Variants in CSKMT observed in about 807,000 individuals in gnomAD.
CSKMT encodes citrate synthase-lysine N-methyltransferase CSKMT, mitochondrial.
CSKMT carries 6 observed loss-of-function variants against 4.6 expected under a neutral mutation model. The ratio of observed to expected loss-of-function variants is 1.31; its 90% CI spans 0.72 to 2.59. CSKMT has a LOEUF of 2.59. Ranked by LOEUF, CSKMT falls within the 30% of genes most tolerant of loss-of-function variation. The pLI, the probability that CSKMT is intolerant of heterozygous loss-of-function variation, is 0.00. For missense variants in CSKMT, 328 were observed against 298.0 expected (o/e 1.10, Z -0.74); for synonymous variants, 142 against 128.9 (o/e 1.10, Z -0.69).
At position 62,666,710 on chromosome 11, in the gene CSKMT, C is replaced by G; in HGVS notation, c.382C>G (p.Pro128Ala). ...CCTGGAGGGTGGCCCAGGCCAAACACCTCTATGCCCTGGACACCCTGCCTC... is the reference window on the plus strand; with the variant it reads ...CCTGGAGGGTGGCCCAGGCCAAACAGCTCTATGCCCTGGACACCCTGCCTC... ...SLLEGGPGQT[P>A]LCPGHPASSL... is the part of the protein sequence containing the mutation. The change falls in exon 3 of 3, where the codon CCT (proline) becomes GCT (alanine). Residue 128 changes from proline (P) to alanine (A), a missense_variant. Transcript: ENST00000532971. The G allele has an allele frequency of 6.2e-7, 1 of 1,614,070 alleles. No individual in the cohort carries two copies. The highest frequency in any genetic ancestry group is 8.5e-7 in the Non-Finnish European group (1 of 1,180,016).
At chr11:62,665,550 T>C in intron 1 of CSKMT, 97 bp from the exon 2 acceptor site, 1 of 1,568,300 alleles carries the variant, frequency 6.4e-7, no homozygotes. Flanking sequence ...GCTGGTTCTA[T>C]CCTCAAACGC....
Position 62,667,003 on chromosome 11 carries a change from G to A in CSKMT, c.675G>A (p.Pro225=), listed in dbSNP as rs373688848. 3.3e-5 allele frequency: 54 copies of A among 1,612,196 alleles called. No individual in the cohort carries two copies. The highest frequency in any genetic ancestry group is 2.0e-4 in the African/African-American group (15 of 74,824). The part of the protein sequence containing the change: ...GWTVTVQELG[P]FRGITYFAYL... ...CTGTGACTGTGCAGGAGCTAGGCCCGTTCAGGGGCATCACCTACTTTGCTT... is the reference window on the plus strand; with the variant it reads ...CTGTGACTGTGCAGGAGCTAGGCCCATTCAGGGGCATCACCTACTTTGCTT... Residue 225 remains proline, a synonymous_variant, in exon 3 of 3, where the codon CCG becomes CCA. Coordinates refer to ENST00000532971, the MANE Select transcript of CSKMT (RefSeq NM_001043229.2).
intron 1 of CSKMT, 91 bp from the exon 2 acceptor site, chr11:62,665,556 A>G (rs781360271): frequency 4.3e-5 from 68 of 1,564,654 alleles, no homozygotes; most frequent in Non-Finnish European, 5.2e-5. Flanking sequence ...TCTATCCTCA[A>G]ACGCCGGGAC....
In CSKMT at chr11:62,668,005, G is replaced by A. The variant is rs1437715060; in HGVS notation, c.*954G>A. ...ACTGCTTGAACCCTGGGAGGTCAAAGCTGCAATGGGCCATGATAAGCTGCT... is the reference window on the plus strand; with the variant it reads ...ACTGCTTGAACCCTGGGAGGTCAAAACTGCAATGGGCCATGATAAGCTGCT... On this transcript the variant is annotated 3_prime_UTR_variant, in exon 3 of 3. Coordinates refer to ENST00000532971, the MANE Select transcript of CSKMT (RefSeq NM_001043229.2). The A allele has an allele frequency of 7.9e-6, 3 of 378,370 alleles. No homozygotes were observed. The highest frequency in any genetic ancestry group is 4.1e-5 in the East Asian group (1 of 24,616). 23.4% of individuals were successfully genotyped at this position (378,370 alleles called of 1,614,324 possible). A position where few individuals can be genotyped will look rare whatever the true frequency, so the allele number is the denominator to read the frequency against.
In CSKMT at chr11:62,667,705, G is replaced by C; in HGVS notation, c.*654G>C. 6.2e-7 allele frequency: 1 copy of C among 1,613,934 alleles called. No individual in the cohort carries two copies. The stretch of plus-strand genomic sequence containing the variant: ...CCCCCAGCTGAGTCCAGCGTTAAAT[G>C]TTCTTAAAGGACTTCTAGGGTCCTG... On this transcript the variant is annotated 3_prime_UTR_variant, in exon 3 of 3. Coordinates refer to ENST00000532971, the MANE Select transcript of CSKMT (RefSeq NM_001043229.2).
chr11:62,666,171 G>C, intron 2 of CSKMT: 5 of 701,036 alleles, frequency 7.1e-6, no homozygotes, highest in Non-Finnish European at 9.4e-6. Context: ...AACATAGCGA[G>C]ACCCTGTCTA....
At position 62,667,470 on chromosome 11, in the gene CSKMT, A is replaced by C. The variant is rs1244380803; in HGVS notation, c.*419A>C. On this transcript the variant is annotated 3_prime_UTR_variant, in exon 3 of 3. Coordinates refer to ENST00000532971, the MANE Select transcript of CSKMT (RefSeq NM_001043229.2). ...AGGAGATTGTAAGAGGATGGGTATAAGGAGCTTCATAAACCTGGATGAGAT... is the reference window on the plus strand; with the variant it reads ...AGGAGATTGTAAGAGGATGGGTATACGGAGCTTCATAAACCTGGATGAGAT... 3.2e-6 allele frequency: 5 copies of C among 1,566,658 alleles called. No homozygotes were observed. Among genetic ancestry groups the C allele is most frequent in the Admixed American group, 1.7e-5 (1 of 59,870 alleles).
chr11:62,665,457 C>A, intron 1 of CSKMT, 125 bp downstream of exon 1: 2 of 1,568,474 alleles, frequency 1.3e-6, no homozygotes, highest in African/African-American at 1.3e-5. Context: ...CTTGTGGTGC[C>A]GCTCCCCGTA....
At position 62,665,833 on chromosome 11, in the gene CSKMT, G is replaced by A; in HGVS notation, c.-47G>A. On this transcript the variant is annotated 5_prime_UTR_variant, in exon 2 of 3. Coordinates refer to ENST00000532971, the MANE Select transcript of CSKMT (RefSeq NM_001043229.2). ...CAGGCCTCTCCGGCTGGAGTAGGGT[G>A]GACGCTTCACATAAGCTTCTCTGGT... 1.2e-6 allele frequency: 2 copies of A among 1,602,782 alleles called. No individual in the cohort carries two copies. The highest frequency in any genetic ancestry group is 1.7e-6 in the Non-Finnish European group (2 of 1,171,942).
At position 62,665,917 on chromosome 11, in the gene CSKMT, T is replaced by A. The variant is rs755588623; in HGVS notation, c.38T>A (p.Leu13Gln). Residue 13 changes from leucine (L) to glutamine (Q), a missense_variant, in exon 2 of 3, where the codon CTG (leucine) becomes CAG (glutamine). Leu to Gln is a moderately radical substitution (Grantham distance 113, BLOSUM62 -2). Transcript: ENST00000532971. ...CGTCGAATGCTCCACTTGCCGAGCC[T>A]GATGATGGGGACGTGCCGCCCCTTT... Reference protein sequence around the residue: ...ALRRMLHLPSLMMGTCRPFAG... With the variant: ...ALRRMLHLPSQMMGTCRPFAG... 6 of 1,612,878 alleles carry A rather than the reference T, an allele frequency of 3.7e-6. No individual in the cohort carries two copies. The highest frequency in any genetic ancestry group is 1.6e-4 in the Middle Eastern group (1 of 6,082).
chr11:62,666,118 C>T, intron 2 of CSKMT, 172 bp downstream of exon 2: 1 of 826,732 alleles, frequency 1.2e-6, no homozygotes, highest in South Asian at 1.7e-5. Context: ...CAGGCCGAGG[C>T]GGGCAGATCG....
At chr11:62,665,522 G>A (rs1043276936) in intron 1 of CSKMT, 125 bp from the exon 2 acceptor site, 61 of 1,570,190 alleles carry the variant, frequency 3.9e-5, no homozygotes, top group Non-Finnish European at 5.2e-5. Flanking sequence ...TGTCTTCGGT[G>A]CTGGCGGCTT....
chr11:62,665,384 G>C, intron 1 of CSKMT, 52 bp downstream of exon 1: 3 of 1,134,552 alleles, frequency 2.6e-6, no homozygotes, highest in Non-Finnish European at 3.8e-6. Flanking sequence ...GGAGTGGTGG[G>C]GGTGCCGGGT....
chr11:62,666,626 C>T lies in CSKMT; in HGVS notation c.298C>T (p.Pro100Ser). The change falls in exon 3 of 3, where the codon CCA becomes TCA. Residue 100 changes from proline to serine, a missense_variant. Transcript: ENST00000532971. ...CTGLYTKSPHPVDVLGVDFSP... is the reference protein window; with the variant it reads ...CTGLYTKSPHSVDVLGVDFSP... ...AGGCCTCTACACCAAATCTCCACACCCAGTGGATGTGCTGGGGGTGGACTT... is the reference window on the plus strand; with the variant it reads ...AGGCCTCTACACCAAATCTCCACACTCAGTGGATGTGCTGGGGGTGGACTT... 1 of 1,614,186 alleles carries T rather than the reference C, an allele frequency of 6.2e-7. No homozygotes were observed. Among genetic ancestry groups the T allele is most frequent in the Non-Finnish European group, 8.5e-7 (1 of 1,180,030 alleles).
rs765370143 is a variant in CSKMT, at chr11:62,667,786, T to C, written c.*735T>C. 8.0e-6 allele frequency: 11 copies of C among 1,375,776 alleles called. No homozygotes were observed. Among genetic ancestry groups the C allele is most frequent in the Non-Finnish European group, 1.1e-5 (11 of 978,674 alleles). The allele number at this position is 1,375,776 out of a possible 1,614,324, so 85.2% of individuals were successfully genotyped here. On this transcript the variant is annotated 3_prime_UTR_variant, in exon 3 of 3. Transcript: ENST00000532971. ...AGAGAGGGGACAAAAATATTACTGA[T>C]ATATTATCAAATTACAAAACTAGGC...
chr11:62,666,984 C>G lies in CSKMT; in HGVS notation c.656C>G (p.Thr219Ser). ...LEQGSYGWTV[T>S]VQELGPFRGI... ...CAAGGGTCCTATGGCTGGACTGTGA[C>G]TGTGCAGGAGCTAGGCCCGTTCAGG... Residue 219 changes from threonine to serine, a missense_variant, in exon 3 of 3, where the codon ACT (threonine) becomes AGT (serine). Transcript: ENST00000532971. 6.2e-7 allele frequency: 1 copy of G among 1,614,090 alleles called. No individual in the cohort carries two copies.
In CSKMT at chr11:62,666,240, G is replaced by A. The variant is rs576735028; in HGVS notation, c.68-156G>A. 6 of 818,354 alleles carry A rather than the reference G, an allele frequency of 7.3e-6. No individual in the cohort carries two copies. In the Admixed American group the frequency reaches 1.1e-4, roughly 15 times the overall value. The allele number at this position is 818,354 out of a possible 1,614,324, so 50.7% of individuals were successfully genotyped here. A position where few individuals can be genotyped will look rare whatever the true frequency, so the allele number is the denominator to read the frequency against. Reference sequence around the variant, plus strand: ...AGTCCTAGCTACTCAGGAGGCTGAGGTGGAGGCTTCAGTGAGCCATCATTG... The same window carrying A: ...AGTCCTAGCTACTCAGGAGGCTGAGATGGAGGCTTCAGTGAGCCATCATTG... On this transcript the variant is annotated intron_variant, in intron 2 of 2. Transcript: ENST00000532971.
chr11:62,665,534 C>A, intron 1 of CSKMT, 113 bp from the exon 2 acceptor site: 2 of 1,569,748 alleles, frequency 1.3e-6, no homozygotes, highest in Non-Finnish European at 1.7e-6. Flanking sequence ...TGGCGGCTTC[C>A]CATCCGCTGG....
chr11:62,667,826 C>T lies in CSKMT; in HGVS notation c.*775C>T, dbSNP rs1944860434. ...CAAAACTAGGCCAGGCATGCTGGCT[C>T]ATACCTATAATCACAGCACTTTGGG... On this transcript the variant is annotated 3_prime_UTR_variant, in exon 3 of 3. Transcript: ENST00000532971. 9.7e-7 allele frequency: 1 copy of T among 1,031,708 alleles called. No individual in the cohort carries two copies. Among genetic ancestry groups the T allele is most frequent in the Admixed American group, 2.0e-5 (1 of 49,392 alleles). 63.9% of individuals were successfully genotyped at this position (1,031,708 alleles called of 1,614,324 possible).
Sources: gnomAD v4.1 joint callset for allele counts on GRCh38, gnomAD v4.1.1 for gene constraint, MANE v1.5 for transcripts, NCBI Gene and HGNC (gene_info 2026-07-23, HGNC 2026-07-21) for gene names.